Variants in LIN52 observed in about 807,000 individuals in gnomAD.
LIN52 encodes lin-52 DREAM MuvB core complex component, also known as protein lin-52 homolog.
LIN52 carries 4 observed loss-of-function variants against 18.5 expected under a neutral mutation model. That is an observed-to-expected ratio of 0.22 (90% CI 0.11 to 0.49). LIN52 has a LOEUF of 0.49. Among genes scored for constraint, LIN52 ranks in the 20% least tolerant of loss-of-function variants. The probability of loss-of-function intolerance (pLI) is 0.97; values close to 1 mark genes in which losing one functional copy is unlikely to be tolerated. For synonymous variants in LIN52, 34 were observed against 45.5 expected (o/e 0.75, Z 1.02); for missense variants, 102 against 139.5 (o/e 0.73, Z 1.35).
intron 5 of LIN52, among the ~76,000 whole-genome samples, chr14:74,116,264 C>T (rs570013315): frequency 1.3e-5 from 2 of 152,032 alleles, no homozygotes; most frequent in Non-Finnish European, 2.9e-5. Context: ...GATTAAGCCA[C>T]TGCACTCCAG....
At chr14:74,093,480 C>G (rs1327257612) in intron 2 of LIN52, among the ~76,000 whole-genome samples, 1 of 151,642 alleles carries the variant, frequency 6.6e-6, no homozygotes, top group East Asian at 2.0e-4. Flanking sequence ...TGCATGCCAC[C>G]ACACCTGGCT....
intron 2 of LIN52, among the ~76,000 whole-genome samples, chr14:74,094,039 T>C (rs182806449): frequency 1.3e-5 from 2 of 151,088 alleles, no homozygotes; most frequent in Non-Finnish European, 3.0e-5. Context: ...GATAAGGAAA[T>C]AATAATTTTT....
intron 5 of LIN52, among the ~76,000 whole-genome samples, chr14:74,155,018 G>A (rs1005581541): frequency 2.6e-5 from 4 of 152,178 alleles, no homozygotes; most frequent in Non-Finnish European, 5.9e-5. Context: ...ACTCTTTTAT[G>A]TAAACAGAAA....
chr14:74,164,195 A>G (rs2061238790), intron 5 of LIN52, among the ~76,000 whole-genome samples: 1 of 150,872 alleles, frequency 6.6e-6, no homozygotes, highest in South Asian at 2.1e-4. Context: ...ATTAGCTAGG[A>G]TGGTCTCCAT....
intron 5 of LIN52, among the ~76,000 whole-genome samples, chr14:74,189,990 G>C (rs1047986053): frequency 2.0e-5 from 3 of 152,228 alleles, no homozygotes; most frequent in Non-Finnish European, 2.9e-5. Flanking sequence ...TCTTTCTCAG[G>C]CTGGGCATGG....
At chr14:74,117,941 A>G (rs1444364821) in intron 5 of LIN52, among the ~76,000 whole-genome samples, 1 of 152,234 alleles carries the variant, frequency 6.6e-6, no homozygotes, top group Non-Finnish European at 1.5e-5. Context: ...AAAAATTTGA[A>G]AAATAAAATA....
chr14:74,194,982 CA>C (rs1488884816), intron 5 of LIN52, among the ~76,000 whole-genome samples: 1 of 151,956 alleles, frequency 6.6e-6, no homozygotes, highest in African/African-American at 2.4e-5. Flanking sequence ...CTGTCTGTAC[CA>C]AAAATACAAA....
intron 5 of LIN52, among the ~76,000 whole-genome samples, chr14:74,198,502 G>A (rs955722021): frequency 6.6e-6 from 1 of 152,184 alleles, no homozygotes; most frequent in African/African-American, 2.4e-5. Flanking sequence ...CTCTAATTTT[G>A]ATTTGAGATT....
chr14:74,143,328 T>C (rs2061140061), intron 5 of LIN52, among the ~76,000 whole-genome samples: 1 of 152,092 alleles, frequency 6.6e-6, no homozygotes, highest in Non-Finnish European at 1.5e-5. Flanking sequence ...GGTGGGAGGA[T>C]CACTTGACCC....
chr14:74,095,910 T>C (rs1427432422), intron 2 of LIN52, 38 bp from the exon 3 acceptor site: 2 of 1,418,518 alleles, frequency 1.4e-6, no homozygotes, highest in African/African-American at 1.4e-5. Context: ...TGAGCAATCA[T>C]ACTTATTGAA....
At chr14:74,129,810 T>C (rs982753575) in intron 5 of LIN52, among the ~76,000 whole-genome samples, 1 of 152,190 alleles carries the variant, frequency 6.6e-6, no homozygotes. Context: ...ACCATGTCAC[T>C]TTACTCCAGC....
At position 74,199,015 on chromosome 14, in the gene LIN52, C is replaced by G. The variant is rs775689117; in HGVS notation, c.*38C>G. On this transcript the variant is annotated 3_prime_UTR_variant, in exon 6 of 6. Transcript: ENST00000555028. Reference sequence around the variant, plus strand: ...GACAGGATGTCCTGGGGTCCGAAACCAAGCTCCCTTCCCGGTGCACCTCTA... The same window carrying G: ...GACAGGATGTCCTGGGGTCCGAAACGAAGCTCCCTTCCCGGTGCACCTCTA... 21 of 1,462,648 alleles carry G rather than the reference C, an allele frequency of 1.4e-5. No homozygotes were observed. In the South Asian group the frequency reaches 2.0e-4, roughly 14 times the overall value. 90.6% of individuals were successfully genotyped at this position (1,462,648 alleles called of 1,614,324 possible).
At chr14:74,130,882 G>A (rs1346658302) in intron 5 of LIN52, among the ~76,000 whole-genome samples, 2 of 150,402 alleles carry the variant, frequency 1.3e-5, no homozygotes, top group African/African-American at 4.9e-5. Flanking sequence ...CACCGTGCCC[G>A]GCCCTAAATA....
intron 1 of LIN52, among the ~76,000 whole-genome samples, chr14:74,087,763 G>A (rs898190334): frequency 2.6e-5 from 4 of 152,054 alleles, no homozygotes; most frequent in Non-Finnish European, 4.4e-5. Flanking sequence ...TTGCTGGAGC[G>A]TCTTTGAAAA....
intron 1 of LIN52, 52 bp from the exon 2 acceptor site, chr14:74,091,180 A>G (rs1595143653): frequency 7.7e-7 from 1 of 1,293,492 alleles, no homozygotes; most frequent in East Asian, 2.3e-5. Flanking sequence ...GAAGTATCAT[A>G]TACATTAATG....
intron 4 of LIN52, among the ~76,000 whole-genome samples, chr14:74,098,642 G>A (rs1353260129): frequency 7.3e-5 from 11 of 151,574 alleles, no homozygotes; most frequent in Non-Finnish European, 2.9e-5. Flanking sequence ...CCGCCTCCTG[G>A]GTTCAAGCGA....
chr14:74,198,050 G>A (rs755765777), intron 5 of LIN52, among the ~76,000 whole-genome samples: 7 of 152,168 alleles, frequency 4.6e-5, no homozygotes, highest in Non-Finnish European at 8.8e-5. Flanking sequence ...AGCCATCAGC[G>A]ATCAGAAACT....
At chr14:74,133,501 C>T (rs1217217741) in intron 5 of LIN52, among the ~76,000 whole-genome samples, 1 of 152,202 alleles carries the variant, frequency 6.6e-6, no homozygotes, top group Non-Finnish European at 1.5e-5. Flanking sequence ...TTAATTAACA[C>T]ATTAATCAGT....
intron 1 of LIN52, 107 bp from the exon 2 acceptor site, chr14:74,091,125 C>A: frequency 1.4e-6 from 1 of 702,774 alleles, no homozygotes; most frequent in Non-Finnish European, 2.5e-6. Context: ...GAACTCATAT[C>A]TCTAGACTTC....
Sources: gnomAD v4.1 joint callset for allele counts (sites outside exome capture counted in the v4.1 genomes callset) on GRCh38, gnomAD v4.1.1 for gene constraint, MANE v1.5 for transcripts, NCBI Gene and HGNC (gene_info 2026-07-23, HGNC 2026-07-21) for gene names.